WWOX: variants seen among roughly 807,000 people sequenced by gnomAD.
The protein encoded by WWOX is WW domain containing oxidoreductase.
WWOX carries 69 observed loss-of-function variants against 46.2 expected under a neutral mutation model. The ratio of observed to expected loss-of-function variants is 1.49; its 90% confidence interval spans 1.23 to 1.82. The LOEUF is 1.82. Ranked by LOEUF, WWOX falls within the 40% of genes most tolerant of loss-of-function variation. WWOX has a pLI of 0.00. For synonymous variants in WWOX, 359 were observed against 202.6 expected, an observed-to-expected ratio of 1.77 and a Z score of -6.56; for missense variants, 919 against 542.6, an observed-to-expected ratio of 1.69 and a Z score of -6.89.
chr16:79,177,563 G>A (rs1310495614), intron 8 of WWOX, among the ~76,000 whole-genome samples: 4 of 151,988 alleles, frequency 2.6e-5, no homozygotes, highest in Admixed American at 2.0e-4. Flanking sequence ...CAATTCACCG[G>A]CTCTTTTATT....
At chr16:78,840,184 G>C (rs896816926) in intron 8 of WWOX, among the ~76,000 whole-genome samples, 3 of 152,154 alleles carry the variant, frequency 2.0e-5, no homozygotes, top group African/African-American at 4.8e-5. Flanking sequence ...GTGTGTACTT[G>C]TGGAATAATT....
intron 8 of WWOX, among the ~76,000 whole-genome samples, chr16:79,061,043 A>G (rs1413407359): frequency 6.6e-6 from 1 of 152,134 alleles, no homozygotes; most frequent in African/African-American, 2.4e-5. Context: ...AGACTTATAC[A>G]CTCACATTCA....
intron 1 of WWOX, among the ~76,000 whole-genome samples, chr16:78,104,040 G>A (rs2031975353): frequency 6.6e-6 from 1 of 152,044 alleles, no homozygotes; most frequent in South Asian, 2.1e-4. Flanking sequence ...TCTCAGAGCA[G>A]CCCCTTCATG....
chr16:78,702,303 A>T (rs1460952587), intron 8 of WWOX, among the ~76,000 whole-genome samples: 2 of 151,212 alleles, frequency 1.3e-5, no homozygotes, highest in Non-Finnish European at 2.9e-5. Flanking sequence ...AAAATAAAAT[A>T]AAAAGGAAGA....
At chr16:78,540,098 C>G (rs2043855846) in intron 8 of WWOX, among the ~76,000 whole-genome samples, 1 of 151,072 alleles carries the variant, frequency 6.6e-6, no homozygotes, top group Admixed American at 6.6e-5. Flanking sequence ...CTTTTTCCAC[C>G]CTCACACTTT....
chr16:79,149,774 C>G (rs938338001), intron 8 of WWOX, among the ~76,000 whole-genome samples: 1 of 152,210 alleles, frequency 6.6e-6, no homozygotes, highest in Admixed American at 6.5e-5. Flanking sequence ...AAGTTCTGGC[C>G]TCACGTTGCT....
intron 8 of WWOX, among the ~76,000 whole-genome samples, chr16:78,833,566 G>C (rs2051891935): frequency 6.6e-6 from 1 of 152,070 alleles, no homozygotes; most frequent in Non-Finnish European, 1.5e-5. Context: ...GTAGGCTTAT[G>C]GTGCTTGTAT....
At chr16:79,181,823 A>G (rs940030206) in intron 8 of WWOX, among the ~76,000 whole-genome samples, 8 of 152,206 alleles carry the variant, frequency 5.3e-5, no homozygotes, top group African/African-American at 1.2e-4. Context: ...TTTAGGCTGC[A>G]TGTTTCATCC....
At chr16:78,334,945 A>G (rs2080853038) in intron 5 of WWOX, among the ~76,000 whole-genome samples, 1 of 149,832 alleles carries the variant, frequency 6.7e-6, no homozygotes, top group Admixed American at 6.6e-5. Flanking sequence ...AAAAGGCAGC[A>G]AAATGTGAGA....
At chr16:78,783,600 G>T (rs1249152075) in intron 8 of WWOX, among the ~76,000 whole-genome samples, 1 of 152,190 alleles carries the variant, frequency 6.6e-6, no homozygotes, top group Non-Finnish European at 1.5e-5. Flanking sequence ...AGGAGAGGAA[G>T]GAGTAATATT....
At chr16:78,943,411 G>C (rs868404281) in intron 8 of WWOX, among the ~76,000 whole-genome samples, 1 of 150,638 alleles carries the variant, frequency 6.6e-6, no homozygotes, top group Admixed American at 6.6e-5. Flanking sequence ...CCCCAGGCCA[G>C]ATAACCCATC....
intron 8 of WWOX, among the ~76,000 whole-genome samples, chr16:78,501,795 C>T (rs1349135862): frequency 1.3e-5 from 2 of 152,118 alleles, no homozygotes; most frequent in Admixed American, 6.5e-5. Flanking sequence ...CCTCAGCCTC[C>T]CAAACTGCTG....
intron 8 of WWOX, among the ~76,000 whole-genome samples, chr16:79,123,860 A>G (rs758580682): frequency 5.9e-5 from 9 of 152,216 alleles, no homozygotes; most frequent in Non-Finnish European, 1.3e-4. Flanking sequence ...ATTGATATAC[A>G]GCAACAATAG....
Position 78,124,495 on chromosome 16 carries a change from G to A in WWOX, c.409+9341G>A, listed in dbSNP as rs542251831. Among the ~76,000 whole-genome samples the A allele has an allele frequency of 3.9e-5, 6 of 152,220 alleles. No homozygotes were observed. The South Asian group carries it at 1.2e-3, about 32-fold the overall frequency. The stretch of plus-strand genomic sequence containing the variant: ...CTCAGCCTTCTCCAAAATAAGGTTG[G>A]GGTCACTAGGAGGCCTTCTTGGAAA... On this transcript the variant is annotated intron_variant, in intron 4 of 8. Transcript: ENST00000566780.
chr16:78,388,196 A>C (rs992309385), intron 6 of WWOX, among the ~76,000 whole-genome samples: 1 of 152,112 alleles, frequency 6.6e-6, no homozygotes, highest in African/African-American at 2.4e-5. Context: ...ATGGCCTGCT[A>C]ATTTTTGTAT....
At chr16:78,692,981 T>A (rs943410469) in intron 8 of WWOX, among the ~76,000 whole-genome samples, 1 of 152,224 alleles carries the variant, frequency 6.6e-6, no homozygotes, top group Non-Finnish European at 1.5e-5. Context: ...GGATGCCTTT[T>A]GCTATGGGGT....
rs1311276377 is a variant in WWOX, at chr16:78,752,223, T to C, written c.1056+319471T>C. ...GTAGTTGAGTGACTTGAAATATTGGTAAATGTTCTTTAATATTTTGTCTGT... is the reference window on the plus strand; with the variant it reads ...GTAGTTGAGTGACTTGAAATATTGGCAAATGTTCTTTAATATTTTGTCTGT... On this transcript the variant is annotated intron_variant, in intron 8 of 8. Transcript: ENST00000566780. 2.0e-5 allele frequency among the ~76,000 whole-genome samples: 3 copies of C among 152,346 alleles called. No individual in the cohort carries two copies. The East Asian group carries it at 5.8e-4, about 29-fold the overall frequency.
chr16:79,193,366 G>C (rs1290417475), intron 8 of WWOX, among the ~76,000 whole-genome samples: 1 of 152,168 alleles, frequency 6.6e-6, no homozygotes, highest in African/African-American at 2.4e-5. Context: ...GACTTCAGTC[G>C]ATGTAGGGCA....
intron 8 of WWOX, among the ~76,000 whole-genome samples, chr16:78,587,775 A>G (rs1021311658): frequency 1.3e-5 from 2 of 152,018 alleles, no homozygotes; most frequent in African/African-American, 4.8e-5. Context: ...TACTGTCTTG[A>G]TCTGTTATAT....
Sources: gnomAD v4.1 joint callset for allele counts (sites outside exome capture counted in the v4.1 genomes callset) on GRCh38, gnomAD v4.1.1 for gene constraint, MANE v1.5 for transcripts, NCBI Gene and HGNC (gene_info 2026-07-23, HGNC 2026-07-21) for gene names.